SERTAD2: variants seen among roughly 807,000 people sequenced by gnomAD.
SERTAD2 encodes SERTA domain containing 2.
Under a neutral mutation model 15.4 loss-of-function variants are expected in SERTAD2, and 2 were observed. The observed-to-expected ratio is 0.13, with a 90% confidence interval of 0.05 to 0.41. The LOEUF is 0.41. Among genes scored for constraint, SERTAD2 ranks in the 10% least tolerant of loss-of-function variants. The probability of loss-of-function intolerance (pLI) is 0.99; values close to 1 mark genes in which losing one functional copy is unlikely to be tolerated. For missense variants in SERTAD2, 333 were observed against 409.7 expected (o/e 0.81, Z 1.62); for synonymous variants, 180 against 178.0 (o/e 1.01, Z -0.09).
In SERTAD2 at chr2:64,633,377, G is replaced by C. The variant is rs79125976; in HGVS notation, c.*2550C>G. The C allele has an allele frequency of 1.3e-5, 2 of 152,190 alleles. No homozygotes were observed. The highest frequency in any genetic ancestry group is 4.8e-5 in the African/African-American group (2 of 41,448). The allele number at this position is 152,190 out of a possible 1,614,324, so 9.4% of individuals were successfully genotyped here. A position where few individuals can be genotyped will look rare whatever the true frequency, so the allele number is the denominator to read the frequency against. The stretch of plus-strand genomic sequence containing the variant: ...AACCAAGTTTGGGCAACACTTCTCC[G>C]TGCTTATTTGAACTGTTGCCCAACA... On this transcript the variant is annotated 3_prime_UTR_variant, in exon 2 of 2. Transcript: ENST00000313349.
At chr2:64,639,949 CT>C (rs1386024213) in intron 1 of SERTAD2, among the ~76,000 whole-genome samples, 1 of 151,862 alleles carries the variant, frequency 6.6e-6, no homozygotes, top group Non-Finnish European at 1.5e-5. Context: ...TAAGCAAAAC[CT>C]GTAAGCAGGA....
chr2:64,645,438 G>A (rs916987158), intron 1 of SERTAD2, among the ~76,000 whole-genome samples: 3 of 151,970 alleles, frequency 2.0e-5, no homozygotes, highest in African/African-American at 7.2e-5. Flanking sequence ...AGGAAGTCAA[G>A]CCCCAAGTAA....
Position 64,636,482 on chromosome 2 carries a change from G to A in SERTAD2, c.390C>T (p.Leu130=). The change falls in exon 2 of 2, where the codon CTC becomes CTT. Residue 130 remains leucine, a synonymous_variant. Transcript: ENST00000313349. ...CGTCCTCGAGCAGTGAGGCCGGGGTGAGGCAGGCCTCCAGGGGCGTAGTGC... is the reference window on the plus strand; with the variant it reads ...CGTCCTCGAGCAGTGAGGCCGGGGTAAGGCAGGCCTCCAGGGGCGTAGTGC... ...LGSTTPLEAC[L]TPASLLEDDD... is the part of the protein sequence containing the mutation. 1.2e-6 allele frequency: 2 copies of A among 1,613,812 alleles called. No homozygotes were observed. Among genetic ancestry groups the A allele is most frequent in the African/African-American group, 1.3e-5 (1 of 75,060 alleles).
At position 64,635,711 on chromosome 2, in the gene SERTAD2, T is replaced by A. The variant is rs1402288521; in HGVS notation, c.*216A>T. On this transcript the variant is annotated 3_prime_UTR_variant, in exon 2 of 2. Transcript: ENST00000313349. Reference sequence around the variant, plus strand: ...TTCTTTCCTATACCAGGGTAGTAGGTCTCTGAGGAACCACTCAAAAAAGTG... The same window carrying A: ...TTCTTTCCTATACCAGGGTAGTAGGACTCTGAGGAACCACTCAAAAAAGTG... 27 of 517,784 alleles carry A rather than the reference T, an allele frequency of 5.2e-5. No homozygotes were observed. Among genetic ancestry groups the A allele is most frequent in the Non-Finnish European group, 9.0e-5 (26 of 290,266 alleles). 32.1% of individuals were successfully genotyped at this position (517,784 alleles called of 1,614,324 possible).
rs1198707613 is a variant in SERTAD2, at chr2:64,632,451, A to G, written c.*3476T>C. On this transcript the variant is annotated 3_prime_UTR_variant, in exon 2 of 2. Transcript: ENST00000313349. ...GGGCACTCCAAGGGGCTATGGCGATAAAAAGCTCAATTGGTAAAGACACTC... is the reference window on the plus strand; with the variant it reads ...GGGCACTCCAAGGGGCTATGGCGATGAAAAGCTCAATTGGTAAAGACACTC... 1 of 152,604 alleles carries G rather than the reference A, an allele frequency of 6.6e-6. No homozygotes were observed. Among genetic ancestry groups the G allele is most frequent in the Non-Finnish European group, 1.5e-5 (1 of 68,046 alleles). 9.5% of individuals were successfully genotyped at this position (152,604 alleles called of 1,614,324 possible). A position where few individuals can be genotyped will look rare whatever the true frequency, so the allele number is the denominator to read the frequency against.
In SERTAD2 at chr2:64,641,785, T is replaced by C. The variant is rs1465582062; in HGVS notation, c.-4-4910A>G. Among the ~76,000 whole-genome samples, 4 of 152,232 alleles carry C rather than the reference T, an allele frequency of 2.6e-5. No individual in the cohort carries two copies. In the South Asian group the frequency reaches 8.3e-4, roughly 32 times the overall value. On this transcript the variant is annotated intron_variant, in intron 1 of 1. Coordinates refer to ENST00000313349, the MANE Select transcript of SERTAD2 (RefSeq NM_014755.3). The stretch of plus-strand genomic sequence containing the variant: ...GCGCAATGCACCAGCAGCTGAGATA[T>C]GGAGTAGGCAGGAAAGCTCCAGCTG...
At chr2:64,640,560 G>C (rs985477596) in intron 1 of SERTAD2, among the ~76,000 whole-genome samples, 2 of 151,186 alleles carry the variant, frequency 1.3e-5, no homozygotes, top group Admixed American at 1.3e-4. Context: ...AAAAGGCTTC[G>C]CTGGGCTGCA....
chr2:64,636,027 G>A lies in SERTAD2; in HGVS notation c.845C>T (p.Thr282Ile). ...AGGCTGACTGCTGTAAGGAGCCAGA[G>A]TTTTGAGGAGGTCGTCGGCAGACAC... ...APVSADDLLK[T>I]LAPYSSQPVT... Residue 282 changes from threonine to isoleucine, a missense_variant, in exon 2 of 2, where the codon ACT (threonine) becomes ATT (isoleucine). This residue lies in a region of SERTAD2 where 332 missense variants were observed against 392.9 expected (regional missense o/e 0.84). Coordinates refer to ENST00000313349, the MANE Select transcript of SERTAD2 (RefSeq NM_014755.3). 6.2e-7 allele frequency: 1 copy of A among 1,614,178 alleles called. No individual in the cohort carries two copies. Among genetic ancestry groups the A allele is most frequent in the Non-Finnish European group, 8.5e-7 (1 of 1,180,036 alleles).
rs1674711824 is a variant in SERTAD2, at chr2:64,638,701, GC to G, written c.-4-1827del. Among the ~76,000 whole-genome samples, 47 of 30,400 alleles carry G rather than the reference GC, an allele frequency of 1.5e-3. 1 individual carries two copies. In the South Asian group the frequency reaches 0.031, roughly 20 times the overall value. 19.9% of individuals were successfully genotyped at this position (30,400 alleles called of 152,430 possible). ...TCATTTTGTTAACATTTAAAAAATG[GC>G]TGTCAATGTCAATCACAATGACCAG... On this transcript the variant is annotated intron_variant, in intron 1 of 1. Coordinates refer to ENST00000313349, the MANE Select transcript of SERTAD2 (RefSeq NM_014755.3).
Position 64,636,883 on chromosome 2 carries a change from G to C in SERTAD2, c.-4-8C>G, listed in dbSNP as rs1384603847. The C allele has an allele frequency of 1.3e-6, 2 of 1,572,558 alleles. No homozygotes were observed. The highest frequency in any genetic ancestry group is 2.2e-5 in the East Asian group (1 of 44,508). ...CCTTTACCCAACATATATCTGCAGA[G>C]GGGAGAGAGAGGAAATGGCATTAAT... On this transcript the variant is annotated splice_region_variant and splice_polypyrimidine_tract_variant and intron_variant, in intron 1 of 1. Transcript: ENST00000313349.
intron 1 of SERTAD2, among the ~76,000 whole-genome samples, chr2:64,649,496 G>A (rs1330780119): frequency 6.6e-6 from 1 of 152,230 alleles, no homozygotes; most frequent in Non-Finnish European, 1.5e-5. Flanking sequence ...ATGTCTGTAA[G>A]AACCAGAATC....
chr2:64,636,545 G>A lies in SERTAD2; in HGVS notation c.327C>T (p.His109=), dbSNP rs748581977. 84 of 1,598,408 alleles carry A rather than the reference G, an allele frequency of 5.3e-5. No individual in the cohort carries two copies. The highest frequency in any genetic ancestry group is 6.5e-5 in the Non-Finnish European group (76 of 1,170,632). Residue 109 remains histidine (H), a synonymous_variant, in exon 2 of 2, where the codon CAC becomes CAT. Coordinates refer to ENST00000313349, the MANE Select transcript of SERTAD2 (RefSeq NM_014755.3). Reference sequence around the variant, plus strand: ...AGGGGTGGGAGGACGGGGACGCCAGGTGGCTGAAGGCCGGCGGGGCCTCTC... The same window carrying A: ...AGGGGTGGGAGGACGGGGACGCCAGATGGCTGAAGGCCGGCGGGGCCTCTC... ...SYREAPPAFS[H]LASPSSHPCD... is the part of the protein sequence containing the mutation.
At position 64,632,215 on chromosome 2, in the gene SERTAD2, G is replaced by C. The variant is rs1336112218; in HGVS notation, c.*3712C>G. ...TTTTCAAATTAAGACAATTCGTATA[G>C]AGTAGCAATTGCTGCACGAAGTAGA... On this transcript the variant is annotated 3_prime_UTR_variant, in exon 2 of 2. Transcript: ENST00000313349. The C allele has an allele frequency of 1.3e-5, 2 of 150,412 alleles. No individual in the cohort carries two copies. The highest frequency in any genetic ancestry group is 6.6e-5 in the Admixed American group (1 of 15,038). 9.3% of individuals were successfully genotyped at this position (150,412 alleles called of 1,614,324 possible).
At chr2:64,641,672 G>A (rs937992599) in intron 1 of SERTAD2, among the ~76,000 whole-genome samples, 6 of 152,316 alleles carry the variant, frequency 3.9e-5, no homozygotes, top group Middle Eastern at 3.4e-3. Flanking sequence ...GTCCTTGAGC[G>A]TGAACTGTGT....
chr2:64,650,332 T>A (rs1674982574), intron 1 of SERTAD2, among the ~76,000 whole-genome samples: 2 of 152,004 alleles, frequency 1.3e-5, no homozygotes, highest in African/African-American at 4.8e-5. Context: ...AGACAGCCAA[T>A]CATGTTTTGT....
chr2:64,636,528 G>C lies in SERTAD2; in HGVS notation c.344C>G (p.Ser115Cys). 1 of 1,602,686 alleles carries C rather than the reference G, an allele frequency of 6.2e-7. No homozygotes were observed. Among genetic ancestry groups the C allele is most frequent in the Middle Eastern group, 1.7e-4 (1 of 5,996 alleles). ...PAFSHLASPS[S>C]HPCDLGSTTP... The stretch of plus-strand genomic sequence containing the variant: ...AGTGCTTCCGAGGTCGCAGGGGTGG[G>C]AGGACGGGGACGCCAGGTGGCTGAA... The change falls in exon 2 of 2, where the codon TCC becomes TGC. Residue 115 changes from serine to cysteine, a missense_variant. By Grantham distance (112) the Ser-to-Cys change is moderately radical. This residue lies in a region of SERTAD2 where 332 missense variants were observed against 392.9 expected (regional missense o/e 0.84). Transcript: ENST00000313349.
chr2:64,640,373 C>T (rs1374752419), intron 1 of SERTAD2, among the ~76,000 whole-genome samples: 3 of 152,180 alleles, frequency 2.0e-5, no homozygotes, highest in East Asian at 1.9e-4. Flanking sequence ...CCTCAAGAAC[C>T]GGAGGGCAAG....
Position 64,635,785 on chromosome 2 carries a change from G to T in SERTAD2, c.*142C>A. ...TGAAGGCACTCCAACTCTGCTCAAA[G>T]CAAAAACTAGTGTGATCCTGTTGTA... is the stretch of plus-strand genomic sequence containing the variant. On this transcript the variant is annotated 3_prime_UTR_variant, in exon 2 of 2. Coordinates refer to ENST00000313349, the MANE Select transcript of SERTAD2 (RefSeq NM_014755.3). 1 of 669,118 alleles carries T rather than the reference G, an allele frequency of 1.5e-6. No individual in the cohort carries two copies. The highest frequency in any genetic ancestry group is 2.0e-5 in the South Asian group (1 of 50,180). The allele number at this position is 669,118 out of a possible 1,614,324, so 41.4% of individuals were successfully genotyped here.
intron 1 of SERTAD2, among the ~76,000 whole-genome samples, chr2:64,645,285 G>A (rs1344795129): frequency 6.6e-6 from 1 of 152,232 alleles, no homozygotes; most frequent in South Asian, 2.1e-4. Context: ...GCGGGGGCCC[G>A]CAGGGCAACG....
Sources: gnomAD v4.1 joint callset for allele counts (sites outside exome capture counted in the v4.1 genomes callset) on GRCh38, gnomAD v4.1.1 for gene constraint, gnomAD v4.1.1 regional missense constraint, MANE v1.5 for transcripts, NCBI Gene and HGNC (gene_info 2026-07-23, HGNC 2026-07-21) for gene names.